The following DMD variants were observed in gnomAD, a reference collection of about 807,000 sequenced individuals.
DMD encodes dystrophin.
A neutral mutation model predicts 330.1 loss-of-function variants in DMD; 63 were observed. That is an observed-to-expected ratio of 0.19 (90% CI 0.16 to 0.24). DMD has a LOEUF of 0.24. DMD is among the 10% of genes least tolerant of loss of function. DMD has a pLI of 1.00. For synonymous variants in DMD, 1,223 were observed against 959.8 expected, an observed-to-expected ratio of 1.27 and a Z score of -5.07; for missense variants, 3,344 against 2,684.1, an observed-to-expected ratio of 1.25 and a Z score of -5.43.
intron 55 of DMD, among the ~76,000 whole-genome samples, chrX:31,525,432 G>A (rs754743346): frequency 9.0e-6 from 1 of 111,354 alleles, no homozygotes; most frequent in African/African-American, 3.3e-5. Flanking sequence ...ACAATATTTT[G>A]TTTGTAGAAT....
intron 12 of DMD, among the ~76,000 whole-genome samples, chrX:32,608,418 C>G (rs2056908204): frequency 9.1e-6 from 1 of 110,200 alleles, no homozygotes; most frequent in East Asian, 2.9e-4. Flanking sequence ...TACTACCACT[C>G]AAACCAATTT....
At chrX:31,510,734 C>G (rs943953898) in intron 55 of DMD, among the ~76,000 whole-genome samples, 15 of 110,075 alleles carry the variant, frequency 1.4e-4, no homozygotes, top group African/African-American at 4.6e-4. Context: ...TGGTCTCGAT[C>G]TCCTGACCTC....
chrX:32,820,017 T>C (rs889196429), intron 5 of DMD, among the ~76,000 whole-genome samples: 10 of 111,323 alleles, frequency 9.0e-5, no homozygotes, highest in African/African-American at 2.9e-4. Flanking sequence ...AGTCTTGCAG[T>C]CTCAAGGATA....
intron 55 of DMD, among the ~76,000 whole-genome samples, chrX:31,615,617 A>G (rs5927781): frequency 0.29 from 32,223 of 111,095 alleles, 3,573 homozygotes; most frequent in Admixed American, 0.35. Context: ...CCAAGACTTT[A>G]AAGAGCTTTT....
At chrX:32,420,272 A>G (rs1168322378) in intron 29 of DMD, among the ~76,000 whole-genome samples, 8 of 112,111 alleles carry the variant, frequency 7.1e-5, no homozygotes, top group Non-Finnish European at 1.3e-4. Context: ...CTGATATGGA[A>G]TAGTGAGACA....
In DMD at chrX:32,493,131, T is replaced by A. The variant is rs192251337; in HGVS notation, c.2381-1613A>T. ...CTCCCACTTTATCCTTTTTAAAGAC[T>A]AAAAAAAATATAGATGTGAATTCAA... On this transcript the variant is annotated intron_variant, in intron 19 of 78. Transcript: ENST00000357033. Among the ~76,000 whole-genome samples the A allele has an allele frequency of 3.9e-3, 437 of 111,230 alleles. 3 individuals are homozygous for A. Among genetic ancestry groups the A allele is most frequent in the African/African-American group, 0.014 (430 of 30,651 alleles).
chrX:31,484,124 C>CT (rs974079833), intron 57 of DMD, among the ~76,000 whole-genome samples: 4 of 111,105 alleles, frequency 3.6e-5, no homozygotes, highest in African/African-American at 1.3e-4. Flanking sequence ...AAAATGAAGA[C>CT]TTTTTTTTAA....
intron 60 of DMD, among the ~76,000 whole-genome samples, chrX:31,376,677 C>G (rs145276369): frequency 8.9e-6 from 1 of 112,061 alleles, no homozygotes; most frequent in African/African-American, 3.2e-5. Context: ...AGGTACAAAA[C>G]GTGACCAAGA....
Position 31,335,664 on chromosome X carries a change from T to C in DMD, c.9164-12006A>G, listed in dbSNP as rs2057372160. Among the ~76,000 whole-genome samples, 3 of 112,260 alleles carry C rather than the reference T, an allele frequency of 2.7e-5. No homozygotes were observed. In the Admixed American group the frequency reaches 2.8e-4, roughly 11 times the overall value. On this transcript the variant is annotated intron_variant, in intron 61 of 78. Transcript: ENST00000357033. ...CTTAAATAATAATAATCACTACTTA[T>C]CCTGAACAAAATAATCAACCTCATT...
chrX:33,226,076 A>G (rs1416181842), intron 1 of DMD, among the ~76,000 whole-genome samples: 1 of 111,613 alleles, frequency 9.0e-6, no homozygotes, highest in African/African-American at 3.2e-5. Context: ...ACAACATCAA[A>G]CACTGGCAAG....
At chrX:31,890,367 A>G (rs1427609913) in intron 47 of DMD, among the ~76,000 whole-genome samples, 1 of 110,123 alleles carries the variant, frequency 9.1e-6, no homozygotes, top group African/African-American at 3.3e-5. Context: ...AAACAAAAAA[A>G]AAAAGAAGAA....
intron 47 of DMD, among the ~76,000 whole-genome samples, chrX:31,904,680 C>A (rs2094458595): frequency 9.0e-6 from 1 of 111,346 alleles, no homozygotes; most frequent in Non-Finnish European, 1.9e-5. Flanking sequence ...TGAAACTTAC[C>A]AACAACAGGT....
At chrX:32,693,991 C>T (rs2063468846) in intron 9 of DMD, among the ~76,000 whole-genome samples, 1 of 112,147 alleles carries the variant, frequency 8.9e-6, no homozygotes, top group African/African-American at 3.2e-5. Flanking sequence ...ATTTCCCAGA[C>T]ATCGTACCCT....
At position 32,645,030 on chromosome X, in the gene DMD, T is replaced by G; in HGVS notation, c.1083A>C (p.Thr361=). ...VLSWLLSAED[T]LQAQGEISND... is the part of the protein sequence containing the mutation. ...TAGAAATCTCTCCTTGTGCTTGCAA[T>G]GTGTCCTCAGCAGAAAGAAGCCACG... Residue 361 remains threonine (T), a synonymous_variant, in exon 10 of 79, where the codon ACA becomes ACC. Transcript: ENST00000357033. 1 of 1,211,796 alleles carries G rather than the reference T, an allele frequency of 8.3e-7. No individual in the cohort carries two copies. The highest frequency in any genetic ancestry group is 1.1e-6 in the Non-Finnish European group (1 of 895,510).
chrX:32,373,886 C>T (rs1361604625), intron 34 of DMD, among the ~76,000 whole-genome samples: 1 of 111,588 alleles, frequency 9.0e-6, no homozygotes, highest in African/African-American at 3.3e-5. Context: ...GATCCTGGAC[C>T]CACATGACTT....
intron 56 of DMD, among the ~76,000 whole-genome samples, chrX:31,499,172 A>G (rs968103695): frequency 3.6e-5 from 4 of 111,746 alleles, no homozygotes; most frequent in African/African-American, 1.3e-4. Context: ...ATATTTATTG[A>G]CTGCCCCTAA....
chrX:32,175,649 AGTAAG>A (rs1189612666), intron 44 of DMD, among the ~76,000 whole-genome samples: 2 of 78,357 alleles, frequency 2.6e-5, no homozygotes, highest in Non-Finnish European at 5.9e-5. Context: ...TATGACCTTA[AGTAAG>A]TCTGTCTTCA....
intron 29 of DMD, among the ~76,000 whole-genome samples, chrX:32,430,840 C>A (rs907547082): frequency 8.9e-6 from 1 of 111,767 alleles, no homozygotes; most frequent in African/African-American, 3.2e-5. Context: ...CTTCATGTAG[C>A]ATAATGTCCT....
At chrX:32,924,495 A>G (rs996138654) in intron 2 of DMD, among the ~76,000 whole-genome samples, 4 of 111,825 alleles carry the variant, frequency 3.6e-5, no homozygotes, top group East Asian at 2.8e-4. Flanking sequence ...ACTGCACTTC[A>G]GCCTGGGTGC....
Sources: gnomAD v4.1 joint callset for allele counts (sites outside exome capture counted in the v4.1 genomes callset) on GRCh38, gnomAD v4.1.1 for gene constraint, MANE v1.5 for transcripts, NCBI Gene and HGNC (gene_info 2026-07-23, HGNC 2026-07-21) for gene names.